GUCY1A2: variants seen among roughly 807,000 people sequenced by gnomAD.
GUCY1A2 encodes the protein guanylate cyclase soluble subunit alpha-2.
Under a neutral mutation model 63.5 loss-of-function variants are expected in GUCY1A2, and 27 were observed. The ratio of observed to expected loss-of-function variants is 0.43; its 90% CI spans 0.31 to 0.59. The LOEUF (loss-of-function observed/expected upper bound fraction) is 0.59, where lower values mean the gene tolerates loss of function less well. Ranked by LOEUF, GUCY1A2 falls within the 20% of genes least tolerant of loss-of-function variation. The probability of loss-of-function intolerance (pLI) is 0.11; values close to 1 mark genes in which losing one functional copy is unlikely to be tolerated. For synonymous variants in GUCY1A2, 364 were observed against 343.5 expected (o/e 1.06, Z -0.66); for missense variants, 768 against 913.3 (o/e 0.84, Z 2.05).
intron 4 of GUCY1A2, among the ~76,000 whole-genome samples, chr11:106,839,622 A>G (rs1239373415): frequency 6.6e-6 from 1 of 151,968 alleles, no homozygotes; most frequent in East Asian, 1.9e-4. Context: ...ATGTCCAACA[A>G]TGATAGACTG....
chr11:106,854,959 A>G (rs998715472), intron 4 of GUCY1A2, among the ~76,000 whole-genome samples: 3 of 152,146 alleles, frequency 2.0e-5, no homozygotes, highest in Non-Finnish European at 4.4e-5. Context: ...ACCAAGCCAC[A>G]ATGCCAGATT....
chr11:106,840,166 C>T (rs929367326), intron 4 of GUCY1A2, among the ~76,000 whole-genome samples: 1 of 151,924 alleles, frequency 6.6e-6, no homozygotes, highest in Non-Finnish European at 1.5e-5. Context: ...TATCTCTCAT[C>T]TGTGCCAAAA....
intron 4 of GUCY1A2, among the ~76,000 whole-genome samples, chr11:106,816,786 A>G (rs1163611533): frequency 6.6e-6 from 1 of 151,988 alleles, no homozygotes; most frequent in East Asian, 1.9e-4. Context: ...TAGATAATAT[A>G]GACATTACAA....
intron 4 of GUCY1A2, among the ~76,000 whole-genome samples, chr11:106,847,817 G>A (rs1442351626): frequency 6.6e-6 from 1 of 151,504 alleles, no homozygotes; most frequent in East Asian, 1.9e-4. Flanking sequence ...TTAATAAATA[G>A]CAAGTTTTGA....
chr11:106,691,749 G>T (rs572198889), intron 7 of GUCY1A2, among the ~76,000 whole-genome samples: 1 of 152,254 alleles, frequency 6.6e-6, no homozygotes, highest in South Asian at 2.1e-4. Context: ...AATGGTATTT[G>T]CTTTTCCCAG....
intron 4 of GUCY1A2, among the ~76,000 whole-genome samples, chr11:106,817,349 C>T (rs1858845629): frequency 6.6e-6 from 1 of 152,032 alleles, no homozygotes; most frequent in African/African-American, 2.4e-5. Flanking sequence ...GCAAAAATAG[C>T]TCCTATAACT....
chr11:106,881,884 T>C (rs1030786478), intron 4 of GUCY1A2, among the ~76,000 whole-genome samples: 1 of 152,042 alleles, frequency 6.6e-6, no homozygotes, highest in South Asian at 2.1e-4. Context: ...ATAGAATTCA[T>C]ACATAAATGA....
intron 4 of GUCY1A2, among the ~76,000 whole-genome samples, chr11:106,841,602 C>A (rs914070295): frequency 1.3e-5 from 2 of 151,758 alleles, no homozygotes; most frequent in East Asian, 3.9e-4. Context: ...AGGGAGGGAC[C>A]ATGTTTTATA....
At chr11:106,726,949 G>T (rs2135368327) in intron 6 of GUCY1A2, among the ~76,000 whole-genome samples, 1 of 152,312 alleles carries the variant, frequency 6.6e-6, no homozygotes, top group Non-Finnish European at 1.5e-5. Flanking sequence ...GAAACAAAAA[G>T]AGCTGGATGA....
At position 106,677,521 on chromosome 11, in the gene GUCY1A2, A is replaced by G. The variant is rs1186855821; in HGVS notation, c.*10028T>C. On this transcript the variant is annotated 3_prime_UTR_variant, in exon 8 of 8. Coordinates refer to ENST00000526355, the MANE Select transcript of GUCY1A2 (RefSeq NM_000855.3). Reference sequence around the variant, plus strand: ...TAAATTCTGCACTGGGGAGACATCTATGATGTGACAAGTTATTTTTGTCCC... The same window carrying G: ...TAAATTCTGCACTGGGGAGACATCTGTGATGTGACAAGTTATTTTTGTCCC... 3 of 208,582 alleles carry G rather than the reference A, an allele frequency of 1.4e-5. No individual in the cohort carries two copies. The highest frequency in any genetic ancestry group is 6.8e-5 in the African/African-American group (3 of 43,974). 12.9% of individuals were successfully genotyped at this position (208,582 alleles called of 1,614,324 possible).
intron 6 of GUCY1A2, among the ~76,000 whole-genome samples, chr11:106,756,016 T>C (rs1201901027): frequency 6.6e-6 from 1 of 152,216 alleles, no homozygotes; most frequent in East Asian, 1.9e-4. Context: ...ACTTGCTTTA[T>C]GAATCTGGGT....
intron 1 of GUCY1A2, among the ~76,000 whole-genome samples, chr11:106,997,478 A>C (rs1190166542): frequency 1.3e-5 from 2 of 152,114 alleles, no homozygotes; most frequent in Non-Finnish European, 2.9e-5. Context: ...ATCATTTCTA[A>C]CACAGGCCTA....
chr11:106,800,362 A>G (rs996862631), intron 5 of GUCY1A2, among the ~76,000 whole-genome samples: 2 of 152,224 alleles, frequency 1.3e-5, no homozygotes, highest in Admixed American at 1.3e-4. Context: ...TAGAAATACC[A>G]TTTGACCCAG....
intron 4 of GUCY1A2, among the ~76,000 whole-genome samples, chr11:106,927,988 A>G (rs571121305): frequency 6.6e-6 from 1 of 152,282 alleles, no homozygotes; most frequent in African/African-American, 2.4e-5. Context: ...CCTACCTAAA[A>G]AATGTATCAG....
In GUCY1A2 at chr11:106,689,248, TTATAA is replaced by T. The variant is rs566520434; in HGVS notation, c.1992-1497_1992-1493del. Among the ~76,000 whole-genome samples, 865 of 152,190 alleles carry T rather than the reference TTATAA, an allele frequency of 5.7e-3. 3 individuals are homozygous for T. Among genetic ancestry groups the T allele is most frequent in the Non-Finnish European group, 8.7e-3 (593 of 68,014 alleles). On this transcript the variant is annotated intron_variant, in intron 7 of 7. Transcript: ENST00000526355. ...AACAATAGTTGGTAGTACTAATAAG[TTATAA>T]TATGAACAGTCTATATTTAATTTTA...
Position 106,687,721 on chromosome 11 carries a change from G to A in GUCY1A2, c.2027C>T (p.Pro676Leu), listed in dbSNP as rs748015731. The change falls in exon 8 of 8, where the codon CCG (proline) becomes CTG (leucine). Residue 676 changes from proline (P) to leucine (L), a missense_variant. By Grantham distance (98) the Pro-to-Leu change is moderately conservative. Around this residue, in one of 3 missense-constraint regions of GUCY1A2, gnomAD observed 150 missense variants for 188.3 expected, o/e 0.80. Coordinates refer to ENST00000526355, the MANE Select transcript of GUCY1A2 (RefSeq NM_000855.3). ...GTCTGGAAGCTCTTCACGAGACCGC[G>A]GAATGAATGTGAAACTTTCTTCTCG... is the stretch of plus-strand genomic sequence containing the variant. ...LKREESFTFI[P>L]RSREELPDNF... 1.9e-6 allele frequency: 3 copies of A among 1,612,012 alleles called. No individual in the cohort carries two copies. Among genetic ancestry groups the A allele is most frequent in the Non-Finnish European group, 2.5e-6 (3 of 1,178,206 alleles).
intron 4 of GUCY1A2, among the ~76,000 whole-genome samples, chr11:106,938,536 T>C (rs1038344292): frequency 3.3e-5 from 5 of 152,148 alleles, no homozygotes; most frequent in African/African-American, 2.4e-5. Context: ...AAGAACTTTA[T>C]TTACCCTAGT....
chr11:107,001,692 AT>A (rs953452285), intron 1 of GUCY1A2, among the ~76,000 whole-genome samples: 1 of 151,924 alleles, frequency 6.6e-6, no homozygotes, highest in Non-Finnish European at 1.5e-5. Context: ...TAAAAAAAAA[AT>A]CTTTACATTC....
At position 106,824,790 on chromosome 11, in the gene GUCY1A2, T is replaced by C; in HGVS notation, c.1207-14312A>G. The C allele has an allele frequency of 6.1e-6, 8 of 1,316,000 alleles. No homozygotes were observed. In the South Asian group the frequency reaches 7.5e-5, roughly 12 times the overall value. The allele number at this position is 1,316,000 out of a possible 1,614,324, so 81.5% of individuals were successfully genotyped here. A position where few individuals can be genotyped will look rare whatever the true frequency, so the allele number is the denominator to read the frequency against. Reference sequence around the variant, plus strand: ...TTTACCAAGGTGCTTGCTTTGTTATTTTTTTTTTTTGTAGGCTGAATCGTC... The same window carrying C: ...TTTACCAAGGTGCTTGCTTTGTTATCTTTTTTTTTTGTAGGCTGAATCGTC... On this transcript the variant is annotated intron_variant, in intron 4 of 7. Transcript: ENST00000526355.
Sources: allele counts gnomAD v4.1 joint callset (sites outside exome capture counted in the v4.1 genomes callset), GRCh38; gene constraint gnomAD v4.1.1; regional missense constraint gnomAD v4.1.1; transcripts MANE v1.5; gene names NCBI Gene and HGNC (gene_info 2026-07-23, HGNC 2026-07-21).